RBL1: variants seen among roughly 807,000 people sequenced by gnomAD.
RBL1 encodes the protein RB transcriptional corepressor like 1, also known as retinoblastoma-like protein 1.
RBL1 carries 82 observed loss-of-function variants against 123.0 expected under a neutral mutation model. That is an observed-to-expected ratio of 0.67 (90% CI 0.56 to 0.80). The LOEUF (loss-of-function observed/expected upper bound fraction) is 0.80. RBL1 is among the 30% of genes least tolerant of loss of function. RBL1 has a pLI of 0.00. For synonymous variants in RBL1, 405 were observed against 441.3 expected (o/e 0.92, Z 1.03); for missense variants, 1,171 against 1,299.6 (o/e 0.90, Z 1.52).
intron 16 of RBL1, among the ~76,000 whole-genome samples, chr20:37,024,934 T>A (rs2064396791): frequency 6.6e-6 from 1 of 152,170 alleles, no homozygotes; most frequent in Admixed American, 6.6e-5. Flanking sequence ...CCCTCAACCA[T>A]CCCAACTGCC....
chr20:37,027,022 A>C (rs1213598415), intron 16 of RBL1, among the ~76,000 whole-genome samples: 7 of 150,636 alleles, frequency 4.6e-5, no homozygotes, highest in African/African-American at 1.7e-4. Flanking sequence ...ACAAAAAAAA[A>C]CAACAAAAAA....
chr20:37,001,918 T>TAAA (rs757774894), intron 21 of RBL1, among the ~76,000 whole-genome samples: 3,189 of 85,964 alleles, frequency 0.037, 1 homozygote, highest in African/African-American at 0.058. Flanking sequence ...TGCAGAACAA[T>TAAA]AAAAAAAAAA....
At chr20:37,070,623 G>A (rs2065269377) in intron 2 of RBL1, among the ~76,000 whole-genome samples, 1 of 152,106 alleles carries the variant, frequency 6.6e-6, no homozygotes, top group Admixed American at 6.6e-5. Context: ...AAATTCAAGA[G>A]TTTGAGTTCC....
At chr20:37,038,301 C>CTTT (rs890141235) in intron 14 of RBL1, among the ~76,000 whole-genome samples, 1 of 107,546 alleles carries the variant, frequency 9.3e-6, no homozygotes, top group Non-Finnish European at 2.0e-5. Flanking sequence ...CTTATGCAAT[C>CTTT]TTTTTTTTTT....
chr20:37,062,574 C>A (rs375455108), intron 7 of RBL1, among the ~76,000 whole-genome samples: 5 of 137,162 alleles, frequency 3.6e-5, no homozygotes, highest in African/African-American at 1.1e-4. Context: ...TGAAATATGG[C>A]AGGTGGAGGT....
In RBL1 at chr20:37,067,129, AG is replaced by A. The variant is rs762930233; in HGVS notation, c.557-9del. On this transcript the variant is annotated splice_polypyrimidine_tract_variant and intron_variant, in intron 4 of 21. Transcript: ENST00000373664. Reference sequence around the variant, plus strand: ...CAATCATCCGAAAATTACCTTTATAAGGGAAAAAAAAAAAAAAAAGACACAA... The same window carrying A: ...CAATCATCCGAAAATTACCTTTATAAGGAAAAAAAAAAAAAAAAGACACAA... The A allele has an allele frequency of 1.0e-5, 16 of 1,565,436 alleles. No homozygotes were observed. The South Asian group carries it at 1.4e-4, about 14-fold the overall frequency.
At chr20:37,016,976 A>AGGAGAGGAGAGG (rs1490602883) in intron 19 of RBL1, among the ~76,000 whole-genome samples, 1 of 150,864 alleles carries the variant, frequency 6.6e-6, no homozygotes, top group Non-Finnish European at 1.5e-5. Flanking sequence ...AGGAAAGGAG[A>AGGAGAGGAGAGG]GGAGAGGAGA....
intron 20 of RBL1, 90 bp from the exon 21 acceptor site, chr20:37,003,956 A>G (rs577845754): frequency 8.3e-7 from 1 of 1,207,404 alleles, no homozygotes; most frequent in East Asian, 2.6e-5. Flanking sequence ...TCTTCTAGTT[A>G]GAAAACAGTT....
chr20:37,041,356 C>G (rs2064722834), intron 13 of RBL1, among the ~76,000 whole-genome samples: 1 of 152,122 alleles, frequency 6.6e-6, no homozygotes, highest in South Asian at 2.1e-4. Flanking sequence ...CAGTCTCGCT[C>G]TGTTGTCCAG....
intron 19 of RBL1, among the ~76,000 whole-genome samples, chr20:37,011,726 T>C (rs901302492): frequency 2.0e-5 from 3 of 152,142 alleles, no homozygotes; most frequent in Non-Finnish European, 4.4e-5. Context: ...TGAGCCACCA[T>C]GTACAGCCAG....
intron 3 of RBL1, 79 bp from the exon 4 acceptor site, chr20:37,067,376 C>A (rs1908286657): frequency 9.8e-7 from 1 of 1,024,824 alleles, no homozygotes; most frequent in Admixed American, 2.9e-5. Flanking sequence ...ATGTAAATAT[C>A]AAATAGATCA....
chr20:37,078,640 C>T (rs950828213), intron 2 of RBL1, among the ~76,000 whole-genome samples: 14 of 151,972 alleles, frequency 9.2e-5, no homozygotes, highest in African/African-American at 2.4e-4. Flanking sequence ...GAGGACATTA[C>T]GATAAGTGAA....
intron 11 of RBL1, among the ~76,000 whole-genome samples, chr20:37,050,734 T>C (rs533201609): frequency 6.6e-6 from 1 of 151,604 alleles, no homozygotes; most frequent in Admixed American, 6.6e-5. Context: ...CTGCAGGGCA[T>C]GAATTTCTAG....
At chr20:37,051,382 T>C (rs1028914202) in intron 11 of RBL1, among the ~76,000 whole-genome samples, 4 of 152,166 alleles carry the variant, frequency 2.6e-5, no homozygotes, top group African/African-American at 4.8e-5. Flanking sequence ...GGTTTCACCA[T>C]GTTGGTCAGG....
intron 11 of RBL1, among the ~76,000 whole-genome samples, chr20:37,050,616 TAAG>T (rs1600532497): frequency 7.8e-6 from 1 of 128,888 alleles, no homozygotes; most frequent in Admixed American, 7.8e-5. Flanking sequence ...GAGAAGAAAT[TAAG>T]AAGGTCAATT....
At position 37,032,765 on chromosome 20, in the gene RBL1, G is replaced by C. The variant is rs769485860; in HGVS notation, c.2282C>G (p.Ala761Gly). The C allele has an allele frequency of 1.2e-6, 2 of 1,614,010 alleles. No individual in the cohort carries two copies. Among genetic ancestry groups the C allele is most frequent in the Non-Finnish European group, 8.5e-7 (1 of 1,179,978 alleles). Residue 761 changes from alanine to glycine, a missense_variant, in exon 16 of 22, where the codon GCT becomes GGT. Coordinates refer to ENST00000373664, the MANE Select transcript of RBL1 (RefSeq NM_002895.5). ...VSLTAHSLIG[A>G]SPKQTNLTKA... ...AGTCAGATTGGTCTGTTTTGGAGAAGCACCAATTAATGAATGAGCAGTAAG... is the reference window on the plus strand; with the variant it reads ...AGTCAGATTGGTCTGTTTTGGAGAACCACCAATTAATGAATGAGCAGTAAG...
chr20:37,026,870 G>GCTAATTACA (rs2064431968), intron 16 of RBL1, among the ~76,000 whole-genome samples: 1 of 151,418 alleles, frequency 6.6e-6, no homozygotes, highest in Non-Finnish European at 1.5e-5. Flanking sequence ...GGGCATGGTG[G>GCTAATTACA]TGCGTCCCTG....
chr20:37,036,149 C>T (rs2064606981), intron 14 of RBL1, among the ~76,000 whole-genome samples: 1 of 152,178 alleles, frequency 6.6e-6, no homozygotes, highest in South Asian at 2.1e-4. Flanking sequence ...GCTTTCCATT[C>T]CCTCTCTACC....
intron 16 of RBL1, among the ~76,000 whole-genome samples, chr20:37,029,727 A>G (rs1373060311): frequency 1.3e-5 from 2 of 152,204 alleles, no homozygotes; most frequent in African/African-American, 2.4e-5. Flanking sequence ...AGAATTAATA[A>G]ACAAATCAGC....
Sources: gnomAD v4.1 joint callset for allele counts (sites outside exome capture counted in the v4.1 genomes callset) on GRCh38, gnomAD v4.1.1 for gene constraint, MANE v1.5 for transcripts, NCBI Gene and HGNC (gene_info 2026-07-23, HGNC 2026-07-21) for gene names.